Variants in TNKS observed in about 807,000 individuals in gnomAD.
The protein encoded by TNKS is tankyrase, also known as poly [ADP-ribose] polymerase tankyrase-1.
A neutral mutation model predicts 135.8 loss-of-function variants in TNKS; 72 were observed. The observed-to-expected ratio is 0.53, with a 90% CI of 0.44 to 0.64. The LOEUF (loss-of-function observed/expected upper bound fraction) is 0.64, where lower values mean the gene tolerates loss of function less well. TNKS is among the 30% of genes least tolerant of loss of function. TNKS has a pLI of 0.00. For synonymous variants in TNKS, 849 were observed against 649.3 expected, an observed-to-expected ratio of 1.31 and a Z score of -4.68; for missense variants, 1,769 against 1,674.0, an observed-to-expected ratio of 1.06 and a Z score of -0.99.
intron 3 of TNKS, among the ~76,000 whole-genome samples, chr8:9,642,335 T>C (rs907186195): frequency 6.8e-6 from 1 of 146,690 alleles, no homozygotes; most frequent in Admixed American, 7.1e-5. Context: ...TCCTTAATTA[T>C]TGTATTCTCT....
At position 9,556,291 on chromosome 8, in the gene TNKS, C is replaced by G. The variant is rs531143965; in HGVS notation, c.352C>G (p.Pro118Ala). 3 of 1,614,258 alleles carry G rather than the reference C, an allele frequency of 1.9e-6. No individual in the cohort carries two copies. The highest frequency in any genetic ancestry group is 1.7e-5 in the Admixed American group (1 of 60,030). ...VSTSSAAGVA[P>A]NPAGSGSNNS... is the part of the protein sequence containing the mutation. Reference sequence around the variant, plus strand: ...TACTTCATCTGCCGCTGGGGTCGCTCCCAACCCAGCCGGCAGTGGCAGTAA... The same window carrying G: ...TACTTCATCTGCCGCTGGGGTCGCTGCCAACCCAGCCGGCAGTGGCAGTAA... Residue 118 changes from proline to alanine, a missense_variant, in exon 1 of 27, where the codon CCC becomes GCC. Around this residue, in one of 5 missense-constraint regions of TNKS, gnomAD observed 450 missense variants for 304.9 expected, o/e 1.48. Coordinates refer to ENST00000310430, the MANE Select transcript of TNKS (RefSeq NM_003747.3).
intron 3 of TNKS, among the ~76,000 whole-genome samples, chr8:9,661,432 T>G (rs1011789178): frequency 7.1e-4 from 108 of 152,164 alleles, no homozygotes; most frequent in Middle Eastern, 3.4e-3. Context: ...TAATGCCGCA[T>G]ATCTACAACT....
chr8:9,744,878 A>G (rs1806156048), intron 17 of TNKS, among the ~76,000 whole-genome samples: 1 of 152,230 alleles, frequency 6.6e-6, no homozygotes. Context: ...TTGTCCAAGC[A>G]TAAACTATAA....
chr8:9,717,050 C>A (rs1240282056), intron 11 of TNKS, among the ~76,000 whole-genome samples: 2 of 91,792 alleles, frequency 2.2e-5, no homozygotes, highest in Non-Finnish European at 4.6e-5. Context: ...TTGAAACCAC[C>A]AAAGATAATC....
intron 2 of TNKS, among the ~76,000 whole-genome samples, chr8:9,595,579 A>C (rs1186389915): frequency 6.6e-6 from 1 of 152,018 alleles, no homozygotes; most frequent in African/African-American, 2.4e-5. Flanking sequence ...TGTACTTATT[A>C]ATTGTGTTTT....
At chr8:9,713,387 A>G (rs1370575814) in intron 11 of TNKS, among the ~76,000 whole-genome samples, 2 of 152,182 alleles carry the variant, frequency 1.3e-5, no homozygotes, top group Admixed American at 1.3e-4. Flanking sequence ...GTATCTATTT[A>G]TTGTCTCCCA....
At chr8:9,712,983 T>C (rs1804413871) in intron 11 of TNKS, among the ~76,000 whole-genome samples, 1 of 152,212 alleles carries the variant, frequency 6.6e-6, no homozygotes, top group Admixed American at 6.5e-5. Context: ...TTTATAATAG[T>C]ATAGCACTTC....
At chr8:9,576,823 TA>T (rs1206803798) in intron 1 of TNKS, among the ~76,000 whole-genome samples, 1 of 151,964 alleles carries the variant, frequency 6.6e-6, no homozygotes, top group Non-Finnish European at 1.5e-5. Flanking sequence ...TTGACAAAAA[TA>T]ATGTGAATAT....
At chr8:9,775,576 ACT>A (rs1480126281) in intron 26 of TNKS, among the ~76,000 whole-genome samples, 1 of 145,414 alleles carries the variant, frequency 6.9e-6, no homozygotes, top group East Asian at 2.0e-4. Flanking sequence ...AGGAGGGAGT[ACT>A]CTCTAATGAA....
intron 5 of TNKS, among the ~76,000 whole-genome samples, chr8:9,689,320 A>T (rs943419169): frequency 5.9e-5 from 9 of 152,212 alleles, no homozygotes; most frequent in Non-Finnish European, 1.0e-4. Context: ...GAATGTTTTC[A>T]GTGACTAATT....
chr8:9,566,782 G>C (rs933846929), intron 1 of TNKS, among the ~76,000 whole-genome samples: 33 of 150,532 alleles, frequency 2.2e-4, no homozygotes, highest in African/African-American at 8.1e-4. Flanking sequence ...CTAATTTTTT[G>C]TATTTTTAGT....
rs1324973375 is a variant in TNKS at position 9,709,260 on chromosome 8, G to A, written c.1579-695G>A. Among the ~76,000 whole-genome samples the A allele has an allele frequency of 3.3e-5, 5 of 152,172 alleles. No individual in the cohort carries two copies. In the East Asian group the frequency reaches 9.6e-4, roughly 29 times the overall value. ...TAACTATATGTACACTTAAATACAT[G>A]TCTCTCAAACTAGGGTTGAGATAGA... On this transcript the variant is annotated intron_variant, in intron 9 of 26. Coordinates refer to ENST00000310430, the MANE Select transcript of TNKS (RefSeq NM_003747.3).
At chr8:9,711,144 A>C (rs548609673) in intron 11 of TNKS, among the ~76,000 whole-genome samples, 1 of 152,182 alleles carries the variant, frequency 6.6e-6, no homozygotes, top group African/African-American at 2.4e-5. Flanking sequence ...TAGACTCCCT[A>C]TGGAGCATAC....
intron 11 of TNKS, among the ~76,000 whole-genome samples, chr8:9,717,101 A>ATATTTTTT (rs1454492300): frequency 1.7e-5 from 2 of 119,334 alleles, no homozygotes; most frequent in Admixed American, 8.6e-5. Context: ...ATATATATAT[A>ATATTTTTT]TTTTCAGGGA....
At chr8:9,588,993 T>C (rs1374643051) in intron 2 of TNKS, among the ~76,000 whole-genome samples, 1 of 152,200 alleles carries the variant, frequency 6.6e-6, no homozygotes, top group Non-Finnish European at 1.5e-5. Context: ...ATCATGGATA[T>C]TATTGTCATA....
At chr8:9,745,238 T>G (rs967624753) in intron 17 of TNKS, among the ~76,000 whole-genome samples, 1 of 152,140 alleles carries the variant, frequency 6.6e-6, no homozygotes, top group Admixed American at 6.5e-5. Context: ...ATACCACGAG[T>G]GGTACCTCTG....
At chr8:9,598,751 GTATA>G (rs1181273309) in intron 2 of TNKS, among the ~76,000 whole-genome samples, 12,417 of 93,526 alleles carry the variant, frequency 0.13, 1,047 homozygotes, top group South Asian at 0.26. Flanking sequence ...GTGTATATAT[GTATA>G]TGTGTGTGTG....
intron 17 of TNKS, among the ~76,000 whole-genome samples, chr8:9,747,535 A>G (rs1174537631): frequency 1.3e-5 from 2 of 152,242 alleles, no homozygotes; most frequent in Non-Finnish European, 2.9e-5. Context: ...GCTAAAGAGA[A>G]AACATTGAGA....
chr8:9,770,198 T>C lies in TNKS; in HGVS notation c.3833T>C (p.Val1278Ala). Residue 1278 changes from valine (V) to alanine (A), a missense_variant, in exon 26 of 27, where the codon GTC becomes GCC. Physicochemically the swap from Val to Ala is moderately conservative, Grantham distance 64. Transcript: ENST00000310430. Reference sequence around the variant, plus strand: ...CACGCGCCTCCAGGGCACCACTCAGTCATTGGTAGACCGAGCGTCAATGGG... The same window carrying C: ...CACGCGCCTCCAGGGCACCACTCAGCCATTGGTAGACCGAGCGTCAATGGG... ...MAHAPPGHHS[V>A]IGRPSVNGLA... The C allele has an allele frequency of 6.2e-7, 1 of 1,613,482 alleles. No individual in the cohort carries two copies. The highest frequency in any genetic ancestry group is 1.1e-5 in the South Asian group (1 of 91,088).
Sources: gnomAD v4.1 joint callset for allele counts (sites outside exome capture counted in the v4.1 genomes callset) on GRCh38, gnomAD v4.1.1 for gene constraint, gnomAD v4.1.1 regional missense constraint, MANE v1.5 for transcripts, NCBI Gene and HGNC (gene_info 2026-07-23, HGNC 2026-07-21) for gene names.